The following ZBBX variants were observed in gnomAD, a reference collection of about 807,000 sequenced individuals.
ZBBX encodes zinc finger B-box domain-containing protein 1.
Under a neutral mutation model 108.5 loss-of-function variants are expected in ZBBX, and 101 were observed. The ratio of observed to expected loss-of-function variants is 0.93; its 90% CI spans 0.79 to 1.10. The LOEUF is 1.10. ZBBX is among the 50% of genes least tolerant of loss of function. The pLI is 0.00. For missense variants in ZBBX, 1,009 were observed against 941.4 expected, an observed-to-expected ratio of 1.07 and a Z score of -0.94; for synonymous variants, 356 against 323.4, an observed-to-expected ratio of 1.10 and a Z score of -1.08.
chr3:167,216,495 C>T, the ZBBX span, among the ~76,000 whole-genome samples: 29 of 152,178 alleles, frequency 1.9e-4, no homozygotes, highest in Middle Eastern at 6.8e-3. Flanking sequence ...AATGGAAAAA[C>T]AACCATGCTC....
At chr3:167,255,393 CAT>C (rs1178856768) in intron 20 of ZBBX, among the ~76,000 whole-genome samples, 3 of 151,636 alleles carry the variant, frequency 2.0e-5, no homozygotes, top group Non-Finnish European at 4.4e-5. Flanking sequence ...ATTGGGAAGT[CAT>C]AGAAGAAAAT....
chr3:167,354,193 T>C (rs1444590843), intron 8 of ZBBX, among the ~76,000 whole-genome samples: 1 of 151,902 alleles, frequency 6.6e-6, no homozygotes, highest in Non-Finnish European at 1.5e-5. Flanking sequence ...CATGGCTGAC[T>C]ATGAGCTTCC....
chr3:167,389,539 T>C (rs1748026240), intron 1 of ZBBX, among the ~76,000 whole-genome samples: 1 of 152,146 alleles, frequency 6.6e-6, no homozygotes, highest in African/African-American at 2.4e-5. Context: ...TTCTAGATCC[T>C]TGAGGAGCTG....
intron 1 of ZBBX, among the ~76,000 whole-genome samples, chr3:167,402,963 A>G (rs1748472293): frequency 6.6e-6 from 1 of 152,160 alleles, no homozygotes; most frequent in Non-Finnish European, 1.5e-5. Flanking sequence ...TCAAGCAGTC[A>G]AATATACCTG....
intron 20 of ZBBX, among the ~76,000 whole-genome samples, chr3:167,268,881 A>G (rs991153810): frequency 6.6e-6 from 1 of 152,186 alleles, no homozygotes; most frequent in Non-Finnish European, 1.5e-5. Flanking sequence ...AAACTATACC[A>G]GGTCCAGACC....
At chr3:167,324,406 C>T (rs1299364567) in intron 11 of ZBBX, among the ~76,000 whole-genome samples, 11 of 152,074 alleles carry the variant, frequency 7.2e-5, no homozygotes, top group African/African-American at 2.7e-4. Context: ...CAGACATAAG[C>T]CAGCAGACCC....
chr3:167,283,788 G>A (rs555486536), intron 19 of ZBBX, among the ~76,000 whole-genome samples: 3 of 152,136 alleles, frequency 2.0e-5, no homozygotes, highest in Admixed American at 6.6e-5. Context: ...GATTACAGGC[G>A]CGTGCCACCA....
the ZBBX span, among the ~76,000 whole-genome samples, chr3:167,227,916 GT>G: frequency 2.0e-5 from 3 of 151,604 alleles, no homozygotes; most frequent in Non-Finnish European, 4.4e-5. Flanking sequence ...CATTTTCAGT[GT>G]GTTGTCTGTA....
chr3:167,397,102 A>C (rs1748259038), intron 1 of ZBBX, among the ~76,000 whole-genome samples: 1 of 144,808 alleles, frequency 6.9e-6, no homozygotes, highest in African/African-American at 2.6e-5. Context: ...CACCTTAAGA[A>C]TTGCTAAGAT....
At chr3:167,307,169 C>T (rs1379158805) in intron 16 of ZBBX, among the ~76,000 whole-genome samples, 2 of 152,094 alleles carry the variant, frequency 1.3e-5, no homozygotes, top group African/African-American at 2.4e-5. Context: ...CCAGAGCCAA[C>T]ATCATACTGA....
chr3:167,245,380 C>G (rs1364766274), intron 20 of ZBBX, among the ~76,000 whole-genome samples: 1 of 152,162 alleles, frequency 6.6e-6, no homozygotes, highest in Non-Finnish European at 1.5e-5. Context: ...AACACTTTAG[C>G]CTTCCTTAAT....
the ZBBX span, among the ~76,000 whole-genome samples, chr3:167,215,391 T>C: frequency 6.6e-6 from 1 of 152,026 alleles, no homozygotes; most frequent in Non-Finnish European, 1.5e-5. Context: ...GTTATGGATA[T>C]ATTCCTGGAC....
intron 1 of ZBBX, among the ~76,000 whole-genome samples, chr3:167,389,547 C>T (rs1248259911): frequency 2.0e-5 from 3 of 151,976 alleles, no homozygotes; most frequent in South Asian, 2.1e-4. Flanking sequence ...CCTTGAGGAG[C>T]TGCCACACTG....
intron 1 of ZBBX, among the ~76,000 whole-genome samples, chr3:167,388,467 T>G (rs996123064): frequency 6.6e-5 from 10 of 151,514 alleles, no homozygotes; most frequent in Non-Finnish European, 1.5e-5. Context: ...CTATAGAGAG[T>G]TAAAGACAGG....
chr3:167,270,902 T>C (rs2108470686), intron 20 of ZBBX, among the ~76,000 whole-genome samples: 1 of 152,356 alleles, frequency 6.6e-6, no homozygotes, highest in Middle Eastern at 3.4e-3. Context: ...TATGTCTCAA[T>C]TTAATTGACT....
chr3:167,268,513 G>A (rs148041729), intron 20 of ZBBX, among the ~76,000 whole-genome samples: 4 of 151,794 alleles, frequency 2.6e-5, no homozygotes, highest in Non-Finnish European at 4.4e-5. Flanking sequence ...AGAGAATTAG[G>A]GAATCAGTAC....
At chr3:167,204,427 T>G in the ZBBX span, among the ~76,000 whole-genome samples, 1 of 140,742 alleles carries the variant, frequency 7.1e-6, no homozygotes, top group Non-Finnish European at 1.5e-5. Flanking sequence ...GAGTGTGATA[T>G]TCCCCTTCCT....
At chr3:167,252,053 C>A in intron 20 of ZBBX, 1 of 967,362 alleles carries the variant, frequency 1.0e-6, no homozygotes, top group Non-Finnish European at 1.4e-6. Context: ...ACACCTCTGC[C>A]CTTCTCAGGT....
chr3:167,368,920 G>A (rs982794653), intron 4 of ZBBX: 1 of 196,366 alleles, frequency 5.1e-6, no homozygotes, highest in Non-Finnish European at 9.5e-6. Context: ...TTTTCATATT[G>A]TTTTGCCTCC....
Sources: gnomAD v4.1 joint callset for allele counts (sites outside exome capture counted in the v4.1 genomes callset) on GRCh38, gnomAD v4.1.1 for gene constraint, MANE v1.5 for transcripts, NCBI Gene and HGNC (gene_info 2026-07-23, HGNC 2026-07-21) for gene names.